Variants in CMSS1 observed in about 807,000 individuals in gnomAD.
The protein encoded by CMSS1 is cms1 ribosomal small subunit homolog, also known as protein CMSS1.
In CMSS1, 33 loss-of-function variants were observed where a neutral mutation model predicts 43.5. That is an observed-to-expected ratio of 0.76 (90% CI 0.57 to 1.01). The LOEUF is 1.01. Ranked by LOEUF, CMSS1 falls within the 50% of genes least tolerant of loss-of-function variation. The probability of loss-of-function intolerance (pLI) is 0.00; values close to 1 mark genes in which losing one functional copy is unlikely to be tolerated. For synonymous variants in CMSS1, 115 were observed against 117.2 expected (o/e 0.98, Z 0.12); for missense variants, 313 against 326.4 (o/e 0.96, Z 0.32).
chr3:99,970,363 G>A (rs1025142542), intron 1 of CMSS1, among the ~76,000 whole-genome samples: 8 of 152,244 alleles, frequency 5.3e-5, no homozygotes, highest in African/African-American at 1.9e-4. Flanking sequence ...TGAGGTGGAT[G>A]AGACCAAACT....
At chr3:99,929,081 A>G (rs772321905) in intron 1 of CMSS1, among the ~76,000 whole-genome samples, 4 of 152,252 alleles carry the variant, frequency 2.6e-5, no homozygotes, top group Non-Finnish European at 5.9e-5. Context: ...GCCTCAACTC[A>G]TGTTCCTAGT....
At chr3:99,825,753 CT>C (rs944454401) in intron 1 of CMSS1, among the ~76,000 whole-genome samples, 65 of 145,410 alleles carry the variant, frequency 4.5e-4, no homozygotes, top group Middle Eastern at 3.6e-3. Context: ...TGGCACAAAT[CT>C]TTTTTTCTTT....
rs577443773 is a variant in CMSS1 at position 100,016,685 on chromosome 3, T to C, written c.65-130288T>C. Reference sequence around the variant, plus strand: ...TCTTTCACATGTAAAGTCCATGCAATTCATAAACTGGCTGCTCTTGAATCC... The same window carrying C: ...TCTTTCACATGTAAAGTCCATGCAACTCATAAACTGGCTGCTCTTGAATCC... On this transcript the variant is annotated intron_variant, in intron 1 of 9. Coordinates refer to ENST00000421999, the MANE Select transcript of CMSS1 (RefSeq NM_032359.4). 3.9e-5 allele frequency among the ~76,000 whole-genome samples: 6 copies of C among 152,364 alleles called. No homozygotes were observed. The South Asian group carries it at 1.2e-3, about 32-fold the overall frequency.
At chr3:100,101,811 C>G (rs1335797443) in intron 1 of CMSS1, among the ~76,000 whole-genome samples, 6 of 152,110 alleles carry the variant, frequency 3.9e-5, no homozygotes, top group Admixed American at 3.9e-4. Flanking sequence ...TGATGTTCCC[C>G]TTCCTGTGTC....
At chr3:99,827,277 T>C (rs1365670863) in intron 1 of CMSS1, among the ~76,000 whole-genome samples, 1 of 152,138 alleles carries the variant, frequency 6.6e-6, no homozygotes, top group East Asian at 1.9e-4. Flanking sequence ...CTGCACCCTC[T>C]GCCTCCCAGA....
chr3:100,176,502 A>G (rs2067149467), intron 9 of CMSS1, 87 bp downstream of exon 9: 2 of 805,530 alleles, frequency 2.5e-6, no homozygotes. Context: ...TGACATGAGG[A>G]GCCAGCACAT....
rs999842168 is a variant in CMSS1 at position 99,930,660 on chromosome 3, T to C, written c.64+112617T>C. The C allele has an allele frequency of 7.6e-6, 9 of 1,189,104 alleles. No homozygotes were observed. In the African/African-American group the frequency reaches 1.2e-4, roughly 16 times the overall value. The allele number at this position is 1,189,104 out of a possible 1,614,324, so 73.7% of individuals were successfully genotyped here. ...TATATACTTATGCTTTGCTTTCATG[T>C]ACACACATGTATGAACCACAGATAT... On this transcript the variant is annotated intron_variant, in intron 1 of 9. Coordinates refer to ENST00000421999, the MANE Select transcript of CMSS1 (RefSeq NM_032359.4).
intron 1 of CMSS1, among the ~76,000 whole-genome samples, chr3:100,134,289 G>A (rs1048692650): frequency 2.6e-5 from 4 of 152,018 alleles, no homozygotes; most frequent in Non-Finnish European, 5.9e-5. Flanking sequence ...ACAGAAGTTG[G>A]CCCAAACCAG....
At chr3:99,854,594 T>C (rs1442176605) in intron 1 of CMSS1, among the ~76,000 whole-genome samples, 1 of 152,200 alleles carries the variant, frequency 6.6e-6, no homozygotes, top group Non-Finnish European at 1.5e-5. Context: ...AATTTGTTCA[T>C]TGTGGAGATC....
At chr3:99,944,957 T>C (rs1707964166) in intron 1 of CMSS1, among the ~76,000 whole-genome samples, 1 of 152,214 alleles carries the variant, frequency 6.6e-6, no homozygotes, top group African/African-American at 2.4e-5. Flanking sequence ...GCTTCTTCAC[T>C]ACTGTTCATT....
intron 1 of CMSS1, among the ~76,000 whole-genome samples, chr3:100,109,070 C>G (rs186825578): frequency 6.9e-6 from 1 of 144,284 alleles, no homozygotes; most frequent in African/African-American, 2.6e-5. Flanking sequence ...ACAGGATGAT[C>G]GTTTTTAACT....
chr3:100,113,429 C>T (rs2066523540), intron 1 of CMSS1, among the ~76,000 whole-genome samples: 1 of 152,154 alleles, frequency 6.6e-6, no homozygotes, highest in Admixed American at 6.5e-5. Context: ...TAGGTATCTC[C>T]CAAGACCTGC....
intron 1 of CMSS1, among the ~76,000 whole-genome samples, chr3:100,039,050 G>A (rs772627070): frequency 2.0e-5 from 3 of 152,082 alleles, no homozygotes; most frequent in Non-Finnish European, 2.9e-5. Context: ...AGCAATAACA[G>A]ATGTTGGAAA....
chr3:100,111,586 T>C (rs1006790972), intron 1 of CMSS1, among the ~76,000 whole-genome samples: 1 of 152,168 alleles, frequency 6.6e-6, no homozygotes, highest in Admixed American at 6.5e-5. Flanking sequence ...AGAAGCACAG[T>C]AGGGCTGCTC....
At chr3:99,916,556 AC>A (rs1441508331) in intron 1 of CMSS1, among the ~76,000 whole-genome samples, 1 of 151,980 alleles carries the variant, frequency 6.6e-6, no homozygotes, top group Admixed American at 6.6e-5. Flanking sequence ...TGTGCTAGAC[AC>A]CTTACTTAGC....
At chr3:100,165,168 C>G (rs375709196) in intron 4 of CMSS1, among the ~76,000 whole-genome samples, 21 of 152,264 alleles carry the variant, frequency 1.4e-4, no homozygotes, top group African/African-American at 5.1e-4. Flanking sequence ...CCAGGTGAGT[C>G]TGATCATATC....
At chr3:100,037,571 A>G (rs2065129519) in intron 1 of CMSS1, among the ~76,000 whole-genome samples, 1 of 152,344 alleles carries the variant, frequency 6.6e-6, no homozygotes, top group South Asian at 2.1e-4. Flanking sequence ...GTCTCCCAAC[A>G]AAGTTGCTAC....
At chr3:99,983,403 T>C (rs1277064176) in intron 1 of CMSS1, among the ~76,000 whole-genome samples, 3 of 109,412 alleles carry the variant, frequency 2.7e-5, no homozygotes, top group Non-Finnish European at 5.4e-5. Context: ...TATATATATA[T>C]ATATATATAT....
At chr3:100,024,112 T>C (rs2064876362) in intron 1 of CMSS1, among the ~76,000 whole-genome samples, 1 of 152,150 alleles carries the variant, frequency 6.6e-6, no homozygotes, top group African/African-American at 2.4e-5. Flanking sequence ...CACTCCGTCT[T>C]CAGCTCCTTC....
Sources: allele counts gnomAD v4.1 joint callset (sites outside exome capture counted in the v4.1 genomes callset), GRCh38; gene constraint gnomAD v4.1.1; transcripts MANE v1.5; gene names NCBI Gene and HGNC (gene_info 2026-07-23, HGNC 2026-07-21).